LPCAT2: variants seen among roughly 807,000 people sequenced by gnomAD.
The protein encoded by LPCAT2 is lysophosphatidylcholine acyltransferase 2.
Under a neutral mutation model 64.7 loss-of-function variants are expected in LPCAT2, and 58 were observed. That is an observed-to-expected ratio of 0.90 (90% CI 0.73 to 1.12). The LOEUF (loss-of-function observed/expected upper bound fraction) is 1.12. Among genes scored for constraint, LPCAT2 ranks in the 50% most tolerant of loss-of-function variants. The pLI, the probability that LPCAT2 is intolerant of heterozygous loss-of-function variation, is 0.00. For synonymous variants in LPCAT2, 252 were observed against 245.3 expected, an observed-to-expected ratio of 1.03 and a Z score of -0.26; for missense variants, 579 against 669.8, an observed-to-expected ratio of 0.86 and a Z score of 1.50.
At chr16:55,532,391 A>T (rs2142382979) in intron 5 of LPCAT2, 1 of 163,044 alleles carries the variant, frequency 6.1e-6, no homozygotes, top group Non-Finnish European at 1.3e-5. Context: ...TTTTTGTATT[A>T]GCTGCCAGAA....
At chr16:55,521,889 T>C (rs138606619) in intron 1 of LPCAT2, among the ~76,000 whole-genome samples, 7 of 151,582 alleles carry the variant, frequency 4.6e-5, no homozygotes, top group African/African-American at 1.7e-4. Flanking sequence ...CCACAATTAA[T>C]ATCATAGTGG....
intron 12 of LPCAT2, among the ~76,000 whole-genome samples, chr16:55,576,156 A>C (rs1281228375): frequency 6.6e-6 from 1 of 150,948 alleles, no homozygotes; most frequent in East Asian, 2.0e-4. Context: ...AGGGGAAGGG[A>C]AGAAAGGAGG....
intron 9 of LPCAT2, 43 bp from the exon 10 acceptor site, chr16:55,549,234 T>G (rs1349405147): frequency 6.8e-7 from 1 of 1,472,406 alleles, no homozygotes; most frequent in Non-Finnish European, 9.1e-7. Flanking sequence ...TTACTTTTTT[T>G]TTTAAAAAAA....
intron 7 of LPCAT2, among the ~76,000 whole-genome samples, chr16:55,535,018 T>G (rs1268276886): frequency 6.6e-6 from 1 of 152,194 alleles, no homozygotes; most frequent in African/African-American, 2.4e-5. Context: ...AGGAATACAG[T>G]TTCATTATTA....
chr16:55,527,030 C>T (rs1963180441), intron 2 of LPCAT2, among the ~76,000 whole-genome samples: 4 of 152,008 alleles, frequency 2.6e-5, no homozygotes, highest in Non-Finnish European at 4.4e-5. Context: ...TAAAGGAATA[C>T]ACTTCATATC....
At position 55,543,229 on chromosome 16, in the gene LPCAT2, C is replaced by G. The variant is rs80158238; in HGVS notation, c.853-2506C>G. Among the ~76,000 whole-genome samples, 1,493 of 152,250 alleles carry G rather than the reference C, an allele frequency of 9.8e-3. 9 individuals are homozygous for G. Among genetic ancestry groups the G allele is most frequent in the Non-Finnish European group, 0.016 (1,091 of 68,016 alleles). On this transcript the variant is annotated intron_variant, in intron 8 of 13. Coordinates refer to ENST00000262134, the MANE Select transcript of LPCAT2 (RefSeq NM_017839.5). The stretch of plus-strand genomic sequence containing the variant: ...TTTAGGATTTTAATTATTTTGTACT[C>G]TCAGTGGAACTTTATTCCTTAAGAA...
Position 55,583,164 on chromosome 16 carries a change from A to G in LPCAT2, c.*66A>G, listed in dbSNP as rs1596895240. The G allele has an allele frequency of 7.7e-6, 9 of 1,166,308 alleles. No individual in the cohort carries two copies. The East Asian group carries it at 1.7e-4, about 22-fold the overall frequency. The allele number at this position is 1,166,308 out of a possible 1,614,324, so 72.2% of individuals were successfully genotyped here. On this transcript the variant is annotated 3_prime_UTR_variant, in exon 14 of 14. Transcript: ENST00000262134. ...TGAAATTGTAAAGGCACTTATTGAT[A>G]ATACTTTTAATGTGTTGGTAATGAT...
chr16:55,565,270 G>A (rs1963680827), intron 11 of LPCAT2, among the ~76,000 whole-genome samples: 1 of 151,926 alleles, frequency 6.6e-6, no homozygotes, highest in Non-Finnish European at 1.5e-5. Context: ...GGATGTAAGT[G>A]GTACAGTCAA....
intron 8 of LPCAT2, among the ~76,000 whole-genome samples, chr16:55,543,278 GT>G (rs1169341813): frequency 6.6e-6 from 1 of 152,120 alleles, no homozygotes; most frequent in East Asian, 1.9e-4. Flanking sequence ...CAATATGAGA[GT>G]TATTAAAAAT....
intron 12 of LPCAT2, among the ~76,000 whole-genome samples, chr16:55,577,990 G>C (rs1310002710): frequency 6.6e-6 from 1 of 152,036 alleles, no homozygotes; most frequent in Non-Finnish European, 1.5e-5. Flanking sequence ...CTTCTTGCTA[G>C]GCCTTCCTAT....
At chr16:55,553,006 T>C (rs1353692231) in intron 11 of LPCAT2, among the ~76,000 whole-genome samples, 1 of 151,806 alleles carries the variant, frequency 6.6e-6, no homozygotes, top group Admixed American at 6.6e-5. Context: ...GAGGCCAAGG[T>C]GGGTGGATTT....
chr16:55,535,993 GA>G (rs1963319165), intron 7 of LPCAT2, among the ~76,000 whole-genome samples: 1 of 152,056 alleles, frequency 6.6e-6, no homozygotes, highest in African/African-American at 2.4e-5. Context: ...ATGAAAGGGA[GA>G]AAAAATATTT....
At chr16:55,578,666 A>C (rs1473450240) in intron 12 of LPCAT2, among the ~76,000 whole-genome samples, 19 of 152,024 alleles carry the variant, frequency 1.2e-4, no homozygotes, top group Admixed American at 1.2e-3. Context: ...TCCCATTATA[A>C]TCCTACAGGA....
At chr16:55,545,960 G>A in intron 9 of LPCAT2, 143 bp downstream of exon 9, 1 of 623,700 alleles carries the variant, frequency 1.6e-6, no homozygotes, top group South Asian at 2.0e-5. Context: ...ATGTGCCCAG[G>A]GATGAGGTCA....
At position 55,542,277 on chromosome 16, in the gene LPCAT2, TCTC is replaced by T. The variant is rs1283938140; in HGVS notation, c.853-3451_853-3449del. 2.0e-5 allele frequency among the ~76,000 whole-genome samples: 3 copies of T among 152,066 alleles called. No individual in the cohort carries two copies. In the East Asian group the frequency reaches 5.8e-4, roughly 29 times the overall value. On this transcript the variant is annotated intron_variant, in intron 8 of 13. Coordinates refer to ENST00000262134, the MANE Select transcript of LPCAT2 (RefSeq NM_017839.5). ...TTAACCTGAGAAACATGTCGCTTAG[TCTC>T]CTCCTCATCTGGGACAGGATGGTGC...
At position 55,537,569 on chromosome 16, in the gene LPCAT2, T is replaced by G; in HGVS notation, c.798-9T>G. 6.2e-7 allele frequency: 1 copy of G among 1,610,376 alleles called. No individual in the cohort carries two copies. Among genetic ancestry groups the G allele is most frequent in the Non-Finnish European group, 8.5e-7 (1 of 1,177,958 alleles). On this transcript the variant is annotated splice_polypyrimidine_tract_variant and intron_variant, in intron 7 of 13. Transcript: ENST00000262134. ...TGTATAAAGATAGACTTTTCTTTTTTCTCTTCAGCATTCAGCTTTGTATGC... is the reference window on the plus strand; with the variant it reads ...TGTATAAAGATAGACTTTTCTTTTTGCTCTTCAGCATTCAGCTTTGTATGC...
At chr16:55,573,642 A>G (rs1257142169) in intron 11 of LPCAT2, among the ~76,000 whole-genome samples, 3 of 152,148 alleles carry the variant, frequency 2.0e-5, no homozygotes, top group Non-Finnish European at 4.4e-5. Flanking sequence ...TGCCAAAATA[A>G]TTCTAACACC....
chr16:55,511,971 A>T (rs1953325209), intron 1 of LPCAT2, among the ~76,000 whole-genome samples: 1 of 152,184 alleles, frequency 6.6e-6, no homozygotes, highest in Non-Finnish European at 1.5e-5. Context: ...TGGGAATTTG[A>T]GTCGTCTCAT....
At chr16:55,538,482 A>G (rs992984102) in intron 8 of LPCAT2, 18 of 152,118 alleles carry the variant, frequency 1.2e-4, no homozygotes, top group African/African-American at 3.9e-4. Context: ...GCTTTGCTAG[A>G]TAGCTTAGTG....
Sources: gnomAD v4.1 joint callset for allele counts (sites outside exome capture counted in the v4.1 genomes callset) on GRCh38, gnomAD v4.1.1 for gene constraint, MANE v1.5 for transcripts, NCBI Gene and HGNC (gene_info 2026-07-23, HGNC 2026-07-21) for gene names.